Variants in PRKD1 observed in about 807,000 individuals in gnomAD.
PRKD1 encodes serine/threonine-protein kinase D1.
PRKD1 carries 63 observed loss-of-function variants against 95.9 expected under a neutral mutation model. The ratio of observed to expected loss-of-function variants is 0.66; its 90% CI spans 0.54 to 0.81. The LOEUF (loss-of-function observed/expected upper bound fraction) is 0.81. Ranked by LOEUF, PRKD1 falls within the 30% of genes least tolerant of loss-of-function variation. The probability of loss-of-function intolerance (pLI) is 0.00; values close to 1 mark genes in which losing one functional copy is unlikely to be tolerated. For missense variants in PRKD1, 1,048 were observed against 1,165.3 expected (o/e 0.90, Z 1.47); for synonymous variants, 425 against 423.1 (o/e 1.00, Z -0.05).
chr14:29,889,124 G>A (rs1043497671), intron 1 of PRKD1, among the ~76,000 whole-genome samples: 2 of 152,126 alleles, frequency 1.3e-5, no homozygotes, highest in African/African-American at 2.4e-5. Flanking sequence ...ATTCAAATGG[G>A]CTATCTGATA....
intron 13 of PRKD1, among the ~76,000 whole-genome samples, chr14:29,615,764 A>G (rs1878812196): frequency 6.6e-6 from 1 of 152,230 alleles, no homozygotes; most frequent in African/African-American, 2.4e-5. Flanking sequence ...TAAAGGAATG[A>G]AGGGCTTCAC....
chr14:29,840,803 C>T (rs1594567740), intron 1 of PRKD1, among the ~76,000 whole-genome samples: 3 of 152,294 alleles, frequency 2.0e-5, no homozygotes, highest in Middle Eastern at 3.4e-3. Flanking sequence ...TTGAGACCCA[C>T]TCACTATGAC....
chr14:29,786,337 A>G (rs1889272330), intron 1 of PRKD1, among the ~76,000 whole-genome samples: 1 of 152,056 alleles, frequency 6.6e-6, no homozygotes, highest in South Asian at 2.1e-4. Context: ...TTTGGTGTCG[A>G]GGGAATGCTG....
chr14:29,661,767 T>G (rs560190883), intron 4 of PRKD1, among the ~76,000 whole-genome samples: 1 of 152,316 alleles, frequency 6.6e-6, no homozygotes, highest in South Asian at 2.1e-4. Flanking sequence ...TTACACAAGG[T>G]TACGAAAGCT....
rs146285949 is a variant in PRKD1, at chr14:29,636,483, G to A, written c.997C>T (p.Pro333Ser). The A allele has an allele frequency of 5.6e-6, 9 of 1,614,012 alleles. No individual in the cohort carries two copies. In the African/African-American group the frequency reaches 1.2e-4, roughly 22 times the overall value. Residue 333 changes from proline (P) to serine (S), a missense_variant, in exon 7 of 18, where the codon CCT (proline) becomes TCT (serine). By Grantham distance (74) the Pro-to-Ser change is moderately conservative. Around this residue, in one of 3 missense-constraint regions of PRKD1, gnomAD observed 739 missense variants for 861.9 expected, o/e 0.86. Transcript: ENST00000331968. ...EVTINGDLLS[P>S]GAESDVVMEE... ...ATGACCACATCAGACTCTGCCCCAG[G>A]GCTAAGCAAATCTAGAAAATTATTT...
intron 16 of PRKD1, among the ~76,000 whole-genome samples, chr14:29,579,954 G>C (rs539601545): frequency 6.6e-6 from 1 of 152,208 alleles, no homozygotes; most frequent in South Asian, 2.1e-4. Flanking sequence ...CCATTCACAT[G>C]ATTTACTCAC....
At chr14:29,759,583 T>G (rs554030069) in intron 1 of PRKD1, among the ~76,000 whole-genome samples, 1 of 152,336 alleles carries the variant, frequency 6.6e-6, no homozygotes, top group African/African-American at 2.4e-5. Context: ...GTTTAAAAGT[T>G]GTGCAATTTA....
chr14:29,823,096 C>T (rs1055674789), intron 1 of PRKD1, among the ~76,000 whole-genome samples: 3 of 152,152 alleles, frequency 2.0e-5, no homozygotes, highest in African/African-American at 4.8e-5. Flanking sequence ...TTTGCTTGGA[C>T]TCCACCTGGA....
At chr14:29,824,207 C>T (rs545251898) in intron 1 of PRKD1, among the ~76,000 whole-genome samples, 1 of 152,246 alleles carries the variant, frequency 6.6e-6, no homozygotes, top group East Asian at 1.9e-4. Context: ...TTCAGAGAAA[C>T]AGCCTCTGTC....
At chr14:29,895,818 GC>G (rs1894104724) in intron 1 of PRKD1, among the ~76,000 whole-genome samples, 1 of 152,166 alleles carries the variant, frequency 6.6e-6, no homozygotes, top group Admixed American at 6.5e-5. Context: ...TCTCAAGGAA[GC>G]CAGCCCTGAC....
At chr14:29,593,273 T>C (rs1018656920) in intron 16 of PRKD1, among the ~76,000 whole-genome samples, 1 of 152,196 alleles carries the variant, frequency 6.6e-6, no homozygotes, top group African/African-American at 2.4e-5. Context: ...GGAAACACCA[T>C]TTGCTAAGTT....
intron 10 of PRKD1, chr14:29,630,486 C>A: frequency 2.1e-6 from 1 of 468,258 alleles, no homozygotes; most frequent in Middle Eastern, 6.1e-4. Flanking sequence ...TCTGTAATTG[C>A]CTAATACATA....
At chr14:29,599,156 C>T (rs1893419941) in intron 14 of PRKD1, 31 bp from the exon 15 acceptor site, 3 of 1,569,496 alleles carry the variant, frequency 1.9e-6, no homozygotes, top group Non-Finnish European at 2.6e-6. Flanking sequence ...AATTTCATTC[C>T]AGTTTATTAA....
At chr14:29,799,356 T>C (rs1349550855) in intron 1 of PRKD1, among the ~76,000 whole-genome samples, 2 of 152,246 alleles carry the variant, frequency 1.3e-5, no homozygotes, top group African/African-American at 4.8e-5. Flanking sequence ...ATTACTTTGC[T>C]TGAATTTTGA....
At chr14:29,718,380 A>G (rs187142864) in intron 2 of PRKD1, among the ~76,000 whole-genome samples, 3 of 136,844 alleles carry the variant, frequency 2.2e-5, no homozygotes, top group African/African-American at 9.3e-5. Flanking sequence ...ACCTTCTGCC[A>G]TGATTGCAAG....
intron 13 of PRKD1, among the ~76,000 whole-genome samples, chr14:29,601,946 G>A (rs549200417): frequency 4.6e-5 from 7 of 152,274 alleles, no homozygotes; most frequent in African/African-American, 1.7e-4. Flanking sequence ...ACATGAGTTC[G>A]GCTAGAGTTC....
intron 2 of PRKD1, among the ~76,000 whole-genome samples, chr14:29,683,845 C>T (rs560349720): frequency 6.6e-6 from 1 of 152,126 alleles, no homozygotes; most frequent in Admixed American, 6.5e-5. Flanking sequence ...TTTGTGTCAT[C>T]GTCAATCAAC....
At chr14:29,579,179 T>C (rs1380790515) in intron 16 of PRKD1, among the ~76,000 whole-genome samples, 1 of 151,978 alleles carries the variant, frequency 6.6e-6, no homozygotes, top group African/African-American at 2.4e-5. Flanking sequence ...CAGTATCATG[T>C]GATGGAGTTC....
At chr14:29,619,457 A>G (rs375014965) in intron 13 of PRKD1, among the ~76,000 whole-genome samples, 112 of 152,346 alleles carry the variant, frequency 7.4e-4, no homozygotes, top group South Asian at 3.3e-3. Flanking sequence ...AATATATGCC[A>G]GGAACAATTT....
Sources: gnomAD v4.1 joint callset for allele counts (sites outside exome capture counted in the v4.1 genomes callset) on GRCh38, gnomAD v4.1.1 for gene constraint, gnomAD v4.1.1 regional missense constraint, MANE v1.5 for transcripts, NCBI Gene and HGNC (gene_info 2026-07-23, HGNC 2026-07-21) for gene names.